Variants in ZFP36L1 observed in about 807,000 individuals in gnomAD.
ZFP36L1 encodes ZFP36 like 1 zinc finger CCCH-type, also known as mRNA decay activator protein ZFP36L1.
Under a neutral mutation model 16.7 loss-of-function variants are expected in ZFP36L1, and 4 were observed. The ratio of observed to expected loss-of-function variants is 0.24; its 90% CI spans 0.12 to 0.55. The LOEUF is 0.55. Ranked by LOEUF, ZFP36L1 falls within the 20% of genes least tolerant of loss-of-function variation. The pLI, the probability that ZFP36L1 is intolerant of heterozygous loss-of-function variation, is 0.94. For missense variants in ZFP36L1, 311 were observed against 449.2 expected, an observed-to-expected ratio of 0.69 and a Z score of 2.78; for synonymous variants, 220 against 190.8, an observed-to-expected ratio of 1.15 and a Z score of -1.26.
At chr14:68,793,654 TC>T (rs1566561602), upstream of ZFP36L1, 1 of 985,356 alleles carries the variant, frequency 1.0e-6, no homozygotes, top group African/African-American at 1.7e-5. Flanking sequence ...ACTTACCTTT[TC>T]CCGACTTCTC....
Position 68,789,590 on chromosome 14 carries a change from G to C in ZFP36L1, c.960C>G (p.Thr320=). The change falls in exon 2 of 2, where the codon ACC becomes ACG. Residue 320 remains threonine (T), a synonymous_variant. Transcript: ENST00000439696. The surrounding 1 kb of genome is among the most constrained non-coding windows in gnomAD (Gnocchi z 4.5). ...SSSHSGSDSP[T]LDNSRRLPIF... The stretch of plus-strand genomic sequence containing the variant: ...TGGGCAGGCGTCTTGAGTTGTCCAA[G>C]GTCGGGGAGTCTGAGCCACTGTGGC... 1.9e-6 allele frequency: 3 copies of C among 1,613,934 alleles called. No homozygotes were observed. Among genetic ancestry groups the C allele is most frequent in the African/African-American group, 1.3e-5 (1 of 75,020 alleles).
upstream of ZFP36L1, chr14:68,795,889 C>A (rs757588634): frequency 1.3e-6 from 1 of 758,306 alleles, no homozygotes; most frequent in South Asian, 1.3e-5. Context: ...GGTGAGGGCC[C>A]GAGGGCGGGA....
Position 68,790,120 on chromosome 14 carries a change from G to C in ZFP36L1, c.430C>G (p.Leu144Val). ...KCQFAHGIHE[L>V]RSLTRHPKYK... is the part of the protein sequence containing the mutation. ...TTGGGGTGGCGGGTCAGGCTGCGGA[G>C]CTCGTGGATGCCGTGTGCGAACTGG... Residue 144 changes from leucine (L) to valine (V), a missense_variant, in exon 2 of 2, where the codon CTC becomes GTC. Leu to Val is a conservative substitution (Grantham distance 32). Coordinates refer to ENST00000439696, the MANE Select transcript of ZFP36L1 (RefSeq NM_004926.4). 6.2e-7 allele frequency: 1 copy of C among 1,610,780 alleles called. No homozygotes were observed. The highest frequency in any genetic ancestry group is 8.5e-7 in the Non-Finnish European group (1 of 1,177,818).
Position 68,789,850 on chromosome 14 carries a change from C to A in ZFP36L1, c.700G>T (p.Ala234Ser). 1.2e-6 allele frequency: 2 copies of A among 1,611,034 alleles called. No individual in the cohort carries two copies. The highest frequency in any genetic ancestry group is 1.1e-5 in the South Asian group (1 of 91,088). The change falls in exon 2 of 2, where the codon GCC (alanine) becomes TCC (serine). Residue 234 changes from alanine (A) to serine (S), a missense_variant. Transcript: ENST00000439696. The surrounding 1 kb of genome is among the most constrained non-coding windows in gnomAD (Gnocchi z 4.5). ...TSITPPPILS[A>S]DDLLGSPTLP... ...GTAGGTGAGCCCAGGAGGTCATCGG[C>A]GCTCAGAATAGGGGGTGGGGTGATG...
In ZFP36L1 at chr14:68,789,655, G is replaced by A. The variant is rs768617563; in HGVS notation, c.895C>T (p.Leu299Phe). Residue 299 changes from leucine to phenylalanine, a missense_variant, in exon 2 of 2, where the codon CTC (leucine) becomes TTC (phenylalanine). By Grantham distance (22) the Leu-to-Phe change is conservative. Coordinates refer to ENST00000439696, the MANE Select transcript of ZFP36L1 (RefSeq NM_004926.4). The surrounding 1 kb of genome is among the most constrained non-coding windows in gnomAD (Gnocchi z 4.5). The part of the protein sequence containing the change: ...FDSPPSPQDS[L>F]SDQEGYLSSS... Reference sequence around the variant, plus strand: ...CTCAGGTAGCCCTCCTGGTCCGAGAGAGAATCCTGAGGGCTGGGGGGAGAG... The same window carrying A: ...CTCAGGTAGCCCTCCTGGTCCGAGAAAGAATCCTGAGGGCTGGGGGGAGAG... 1 of 1,613,964 alleles carries A rather than the reference G, an allele frequency of 6.2e-7. No individual in the cohort carries two copies. Among genetic ancestry groups the A allele is most frequent in the Non-Finnish European group, 8.5e-7 (1 of 1,179,884 alleles).
upstream of ZFP36L1, chr14:68,796,045 G>A (rs1895246899): frequency 5.2e-6 from 7 of 1,335,236 alleles, no homozygotes; most frequent in East Asian, 1.4e-4. Flanking sequence ...CTCCTTACCC[G>A]CGCAGTCCCC....
chr14:68,793,016 C>G lies in ZFP36L1; in HGVS notation c.-78G>C, dbSNP rs1201933404. 3.1e-6 allele frequency: 5 copies of G among 1,606,930 alleles called. No homozygotes were observed. Among genetic ancestry groups the G allele is most frequent in the Non-Finnish European group, 4.2e-6 (5 of 1,178,696 alleles). ...CGGTGCGGGGAAGGCGCAGCCTCTC[C>G]TGTCTGGAGTCCCACACGCCAGTTC... On this transcript the variant is annotated 5_prime_UTR_variant, in exon 1 of 2. Transcript: ENST00000439696.
chr14:68,795,955 CGGCCCTACGGTGCAGGAAG>C, upstream of ZFP36L1: 1 of 1,282,888 alleles, frequency 7.8e-7, no homozygotes, highest in Non-Finnish European at 1.1e-6. Context: ...GGCGGGAGGG[CGGCCCTACGGTGCAGGAAG>C]GCCGAGGCGA....
At chr14:68,796,063 C>T, upstream of ZFP36L1, 5 of 1,345,100 alleles carry the variant, frequency 3.7e-6, no homozygotes, top group Non-Finnish European at 4.9e-6. Flanking sequence ...CCCAGGCTGG[C>T]CGCCGCCTCA....
chr14:68,793,028 CCACA>C lies in ZFP36L1; in HGVS notation c.-94_-91del, dbSNP rs749734459. On this transcript the variant is annotated 5_prime_UTR_variant, in exon 1 of 2. Transcript: ENST00000439696. ...GGCGCAGCCTCTCCTGTCTGGAGTC[CCACA>C]CGCCAGTTCCCGGCGCCCCTCGCCT... 27 of 1,603,554 alleles carry C rather than the reference CCACA, an allele frequency of 1.7e-5. No homozygotes were observed. Among genetic ancestry groups the C allele is most frequent in the Non-Finnish European group, 2.3e-5 (27 of 1,177,710 alleles).
chr14:68,790,376 G>T lies in ZFP36L1; in HGVS notation c.174C>A (p.Pro58=). Residue 58 remains proline (P), a synonymous_variant, in exon 2 of 2, where the codon CCC becomes CCA. Transcript: ENST00000439696. ...GCTGGTTCTGGTGGAACTTGGAGCT[G>T]GGCAGGGTGACTGAGTGCCTCCGAG... ...GFPRRHSVTL[P]SSKFHQNQLL... 6.2e-7 allele frequency: 1 copy of T among 1,613,660 alleles called. No homozygotes were observed. Among genetic ancestry groups the T allele is most frequent in the Non-Finnish European group, 8.5e-7 (1 of 1,179,880 alleles).
At chr14:68,794,781 G>A (rs1446123514), upstream of ZFP36L1, 1 of 152,292 alleles carries the variant, frequency 6.6e-6, no homozygotes, top group Non-Finnish European at 1.5e-5. Context: ...TAAACATCTG[G>A]GCAAACCCAG....
At chr14:68,794,113 T>G, upstream of ZFP36L1, 13 of 202,034 alleles carry the variant, frequency 6.4e-5, no homozygotes, top group South Asian at 1.8e-4. Context: ...CCACGCGCGC[T>G]CCGAATTCTG....
intron 1 of ZFP36L1, among the ~76,000 whole-genome samples, chr14:68,792,405 T>A (rs1895108174): frequency 6.6e-6 from 1 of 151,494 alleles, no homozygotes; most frequent in Admixed American, 6.6e-5. Flanking sequence ...TATCCCCAGC[T>A]CCCCCCAAAG....
At chr14:68,791,267 C>T (rs1167417305) in intron 1 of ZFP36L1, 1 of 553,170 alleles carries the variant, frequency 1.8e-6, no homozygotes, top group African/African-American at 1.9e-5. Flanking sequence ...CAAGAGCAAG[C>T]TTGGATAAGA....
chr14:68,790,551 T>C, intron 1 of ZFP36L1, 59 bp from the exon 2 acceptor site: 1 of 1,596,848 alleles, frequency 6.3e-7, no homozygotes, highest in Non-Finnish European at 8.5e-7. Flanking sequence ...ATGTCCACTA[T>C]GGGCAGCCCC....
In ZFP36L1 at chr14:68,788,120, A is replaced by T. The variant is rs1894961745; in HGVS notation, c.*1413T>A. The T allele has an allele frequency of 6.6e-6, 1 of 152,184 alleles. No homozygotes were observed. The allele number at this position is 152,184 out of a possible 1,614,324, so 9.4% of individuals were successfully genotyped here. A position where few individuals can be genotyped will look rare whatever the true frequency, so the allele number is the denominator to read the frequency against. ...ATCCAACAGTTTTTTGCATTTTTTT[A>T]AATTAATTTTTCATTTTTTTAAAAT... On this transcript the variant is annotated 3_prime_UTR_variant, in exon 2 of 2. Transcript: ENST00000439696.
Position 68,789,156 on chromosome 14 carries a change from A to C in ZFP36L1, c.*377T>G. On this transcript the variant is annotated 3_prime_UTR_variant, in exon 2 of 2. Coordinates refer to ENST00000439696, the MANE Select transcript of ZFP36L1 (RefSeq NM_004926.4). This position sits in a 1 kb window ranked among gnomAD's most constrained non-coding sequence, Gnocchi z 4.5. Reference sequence around the variant, plus strand: ...GTAGTCACAGTGACAAAGTTAGATTACAAGGCACTAAGTTGCTTCTGTAAA... The same window carrying C: ...GTAGTCACAGTGACAAAGTTAGATTCCAAGGCACTAAGTTGCTTCTGTAAA... 5.1e-6 allele frequency: 1 copy of C among 197,040 alleles called. No homozygotes were observed. The highest frequency in any genetic ancestry group is 1.1e-5 in the Non-Finnish European group (1 of 94,674). The allele number at this position is 197,040 out of a possible 1,614,324, so 12.2% of individuals were successfully genotyped here.
chr14:68,791,773 G>T (rs2140210784), intron 1 of ZFP36L1, among the ~76,000 whole-genome samples: 1 of 152,288 alleles, frequency 6.6e-6, no homozygotes, highest in East Asian at 1.9e-4. Flanking sequence ...GGAATGTGCA[G>T]GGAGGGAAGG....
Sources: allele counts gnomAD v4.1 joint callset (sites outside exome capture counted in the v4.1 genomes callset), GRCh38; gene constraint gnomAD v4.1.1; non-coding constraint Gnocchi (gnomAD v3.1); transcripts MANE v1.5; gene names NCBI Gene and HGNC (gene_info 2026-07-23, HGNC 2026-07-21).